PAK1: variants seen among roughly 807,000 people sequenced by gnomAD.
The protein encoded by PAK1 is p21 (RAC1) activated kinase 1.
Under a neutral mutation model 67.4 loss-of-function variants are expected in PAK1, and 29 were observed. That is an observed-to-expected ratio of 0.43 (90% CI 0.32 to 0.59). PAK1 has a LOEUF of 0.59. Among genes scored for constraint, PAK1 ranks in the 20% least tolerant of loss-of-function variants. The pLI is 0.07. For synonymous variants in PAK1, 223 were observed against 237.4 expected (o/e 0.94, Z 0.56); for missense variants, 337 against 670.7 (o/e 0.50, Z 5.50).
chr11:77,338,512 AG>A (rs1943085114), intron 11 of PAK1, among the ~76,000 whole-genome samples: 3 of 152,178 alleles, frequency 2.0e-5, no homozygotes, highest in Admixed American at 2.0e-4. Context: ...CATTGCTGGC[AG>A]GAACGTAAAA....
At chr11:77,442,690 T>G (rs1363079482) in intron 1 of PAK1, among the ~76,000 whole-genome samples, 1 of 152,158 alleles carries the variant, frequency 6.6e-6, no homozygotes, top group Non-Finnish European at 1.5e-5. Context: ...AAATAATAAA[T>G]GTTTATTTTT....
the PAK1 span, among the ~76,000 whole-genome samples, chr11:77,519,196 T>C: frequency 6.6e-6 from 1 of 152,242 alleles, no homozygotes; most frequent in African/African-American, 2.4e-5. Context: ...ACAAGGTCGT[T>C]ACATTGCATT....
At chr11:77,496,443 G>C in the PAK1 span, among the ~76,000 whole-genome samples, 2 of 152,026 alleles carry the variant, frequency 1.3e-5, no homozygotes, top group Admixed American at 6.6e-5. Flanking sequence ...GGTCAACACA[G>C]TGAAACCCTG....
chr11:77,493,454 T>A, the PAK1 span, among the ~76,000 whole-genome samples: 1 of 135,778 alleles, frequency 7.4e-6, no homozygotes, highest in Admixed American at 7.2e-5. Flanking sequence ...AATTTTTTTT[T>A]TTTTTTTTTT....
At chr11:77,414,419 TTC>T (rs574686333) in intron 1 of PAK1, among the ~76,000 whole-genome samples, 28 of 152,226 alleles carry the variant, frequency 1.8e-4, no homozygotes, top group Non-Finnish European at 3.8e-4. Context: ...CCAGCAGAGA[TTC>T]TGACTTGGTT....
chr11:77,432,503 A>G (rs2138336982), intron 1 of PAK1, among the ~76,000 whole-genome samples: 1 of 152,288 alleles, frequency 6.6e-6, no homozygotes, highest in East Asian at 1.9e-4. Flanking sequence ...TTAGAAAAAA[A>G]GCAGTTTAGC....
chr11:77,374,306 A>C (rs1948817662), intron 5 of PAK1, 22 bp downstream of exon 5: 1 of 1,516,256 alleles, frequency 6.6e-7, no homozygotes, highest in Admixed American at 1.7e-5. Flanking sequence ...CCCACATCAA[A>C]ATAGAGTAAA....
intron 1 of PAK1, among the ~76,000 whole-genome samples, chr11:77,431,860 A>C (rs1303987447): frequency 6.6e-6 from 1 of 152,240 alleles, no homozygotes; most frequent in Non-Finnish European, 1.5e-5. Flanking sequence ...AGTCACAAAA[A>C]GTAACAATAT....
chr11:77,450,062 G>A (rs903866596), intron 1 of PAK1, among the ~76,000 whole-genome samples: 5 of 152,134 alleles, frequency 3.3e-5, no homozygotes. Context: ...GAAATTGAAG[G>A]CAATACCCTC....
chr11:77,499,288 C>T, the PAK1 span, among the ~76,000 whole-genome samples: 2,525 of 152,102 alleles, frequency 0.017, 25 homozygotes, highest in Non-Finnish European at 0.027. Flanking sequence ...GTCTTGAACT[C>T]CTGGGCTCAA....
chr11:77,486,935 A>C, the PAK1 span, among the ~76,000 whole-genome samples: 1 of 152,228 alleles, frequency 6.6e-6, no homozygotes, highest in Non-Finnish European at 1.5e-5. Flanking sequence ...CAGTGGACTT[A>C]GGGGTTATGT....
chr11:77,502,853 G>C, the PAK1 span, among the ~76,000 whole-genome samples: 1 of 152,170 alleles, frequency 6.6e-6, no homozygotes, highest in Non-Finnish European at 1.5e-5. Context: ...AAAAAGGAGA[G>C]ATGCCAAGAC....
intron 9 of PAK1, among the ~76,000 whole-genome samples, chr11:77,346,660 C>A (rs1329513306): frequency 6.6e-6 from 1 of 152,134 alleles, no homozygotes; most frequent in African/African-American, 2.4e-5. Flanking sequence ...AACTACTCTC[C>A]CACCGCTACT....
the PAK1 span, among the ~76,000 whole-genome samples, chr11:77,490,450 G>T: frequency 6.7e-6 from 1 of 149,884 alleles, no homozygotes; most frequent in Non-Finnish European, 1.5e-5. Context: ...CCGTCTGGGA[G>T]GGAGGTGGGG....
the PAK1 span, among the ~76,000 whole-genome samples, chr11:77,493,620 A>G: frequency 1.3e-5 from 2 of 151,784 alleles, no homozygotes; most frequent in East Asian, 3.9e-4. Context: ...TGGGTCTTAT[A>G]GGATGAGTTA....
chr11:77,489,790 G>A, the PAK1 span, among the ~76,000 whole-genome samples: 229 of 151,988 alleles, frequency 1.5e-3, 2 homozygotes, highest in Middle Eastern at 6.8e-3. Context: ...GCGTGATCTC[G>A]GCTCGCTACA....
intron 1 of PAK1, among the ~76,000 whole-genome samples, chr11:77,465,859 C>T (rs1957572867): frequency 6.6e-6 from 1 of 152,020 alleles, no homozygotes; most frequent in African/African-American, 2.4e-5. Flanking sequence ...TAAAGTGAGA[C>T]GATTGCTTGA....
chr11:77,525,182 C>CAAA, the PAK1 span, among the ~76,000 whole-genome samples: 2 of 107,116 alleles, frequency 1.9e-5, no homozygotes, highest in African/African-American at 3.3e-5. Context: ...CCACCCCTAT[C>CAAA]AAAAAAAAAA....
intron 5 of PAK1, among the ~76,000 whole-genome samples, chr11:77,365,964 T>G (rs2136767812): frequency 6.6e-6 from 1 of 152,202 alleles, no homozygotes; most frequent in East Asian, 1.9e-4. Flanking sequence ...GTCAGTATAA[T>G]TAACAGCTGA....
Sources: gnomAD v4.1 joint callset for allele counts (sites outside exome capture counted in the v4.1 genomes callset) on GRCh38, gnomAD v4.1.1 for gene constraint, MANE v1.5 for transcripts, NCBI Gene and HGNC (gene_info 2026-07-23, HGNC 2026-07-21) for gene names.